Variants in GALM observed in about 807,000 individuals in gnomAD.
The protein encoded by GALM is galactose mutarotase.
Under a neutral mutation model 37.4 loss-of-function variants are expected in GALM, and 43 were observed. The observed-to-expected ratio is 1.15, with a 90% CI of 0.90 to 1.48. The LOEUF (loss-of-function observed/expected upper bound fraction) is 1.48. Ranked by LOEUF, GALM falls within the 40% of genes most tolerant of loss-of-function variation. The pLI is 0.00. For missense variants in GALM, 456 were observed against 419.1 expected (o/e 1.09, Z -0.77); for synonymous variants, 199 against 170.6 (o/e 1.17, Z -1.30).
chr2:38,731,731 C>A lies in GALM; in HGVS notation c.777-4C>A. On this transcript the variant is annotated splice_polypyrimidine_tract_variant and splice_region_variant and intron_variant, in intron 5 of 6. Transcript: ENST00000272252. ...GGACTCATGTTGTTTGTATTTCTTA[C>A]CAGGGTGCATCATGCTGCAAGCGGG... 14 of 1,612,280 alleles carry A rather than the reference C, an allele frequency of 8.7e-6. No homozygotes were observed. Among genetic ancestry groups the A allele is most frequent in the Non-Finnish European group, 1.2e-5 (14 of 1,178,756 alleles).
intron 4 of GALM, among the ~76,000 whole-genome samples, chr2:38,701,050 C>G (rs1454225612): frequency 1.3e-5 from 2 of 152,202 alleles, no homozygotes; most frequent in African/African-American, 4.8e-5. Context: ...CATTTAGCTT[C>G]AGGACCTGAT....
intron 4 of GALM, among the ~76,000 whole-genome samples, chr2:38,698,952 T>A (rs1260022841): frequency 6.6e-6 from 1 of 151,854 alleles, no homozygotes; most frequent in Non-Finnish European, 1.5e-5. Context: ...TTGCTCTTGT[T>A]GCCTAGGCTG....
Position 38,666,270 on chromosome 2 carries a change from G to C in GALM, c.109G>C (p.Gly37Arg). ...DLLRVDIISW[G>R]CTITALEVKD... ...CTTGAGAGTGGACATCATCTCCTGG[G>C]GCTGCACGATCACAGCCCTAGAGGT... Residue 37 changes from glycine (G) to arginine (R), a missense_variant, in exon 1 of 7, where the codon GGC (glycine) becomes CGC (arginine). Gly to Arg is a moderately radical substitution (Grantham distance 125, BLOSUM62 -2). Coordinates refer to ENST00000272252, the MANE Select transcript of GALM (RefSeq NM_138801.3). 6.2e-7 allele frequency: 1 copy of C among 1,614,104 alleles called. No homozygotes were observed. The highest frequency in any genetic ancestry group is 8.5e-7 in the Non-Finnish European group (1 of 1,179,982).
At chr2:38,666,558 G>A (rs1190608195) in intron 1 of GALM, among the ~76,000 whole-genome samples, 2 of 152,224 alleles carry the variant, frequency 1.3e-5, no homozygotes, top group African/African-American at 4.8e-5. Context: ...TATGGCAGTT[G>A]GCCTCTGGTT....
chr2:38,673,112 G>C (rs1175461119), intron 1 of GALM, among the ~76,000 whole-genome samples: 1 of 152,186 alleles, frequency 6.6e-6, no homozygotes, highest in Non-Finnish European at 1.5e-5. Flanking sequence ...GGAAAGGCCT[G>C]GAAGAGAAGG....
intron 1 of GALM, among the ~76,000 whole-genome samples, chr2:38,666,762 T>A (rs931116032): frequency 6.6e-6 from 1 of 152,208 alleles, no homozygotes; most frequent in Non-Finnish European, 1.5e-5. Flanking sequence ...ATTCAAATAC[T>A]TGCCTCTTCT....
chr2:38,708,708 G>A (rs1168365840), intron 4 of GALM, among the ~76,000 whole-genome samples: 1 of 144,198 alleles, frequency 6.9e-6, no homozygotes, highest in Non-Finnish European at 1.5e-5. Context: ...CAGCCTGGGT[G>A]ATAGAGCGAG....
intron 3 of GALM, among the ~76,000 whole-genome samples, chr2:38,686,267 T>TCTTTCTTTCTTTCTTTCTTTC (rs1665527356): frequency 5.3e-5 from 5 of 94,360 alleles, no homozygotes; most frequent in African/African-American, 2.5e-4. Flanking sequence ...TTTCTTTCTT[T>TCTTTCTTTCTTTCTTTCTTTC]CTTTCTTTCT....
At position 38,683,636 on chromosome 2, in the gene GALM, G is replaced by A. The variant is rs146535703; in HGVS notation, c.552+2150G>A. On this transcript the variant is annotated intron_variant, in intron 3 of 6. Coordinates refer to ENST00000272252, the MANE Select transcript of GALM (RefSeq NM_138801.3). The stretch of plus-strand genomic sequence containing the variant: ...GGCTGGAATGCAGTGGCACGATCTC[G>A]GCTCACTGCAACCTCCACCTTCTGG... Among the ~76,000 whole-genome samples, 299 of 151,624 alleles carry A rather than the reference G, an allele frequency of 2.0e-3. 3 individuals are homozygous for A. The highest frequency in any genetic ancestry group is 6.9e-3 in the African/African-American group (287 of 41,326).
intron 4 of GALM, among the ~76,000 whole-genome samples, chr2:38,727,156 C>G (rs1248490866): frequency 1.4e-5 from 2 of 148,038 alleles, no homozygotes; most frequent in Non-Finnish European, 3.0e-5. Flanking sequence ...GCAGAGATTG[C>G]AGTGAGCCAA....
At chr2:38,709,774 TTTAA>T (rs1472984498) in intron 4 of GALM, among the ~76,000 whole-genome samples, 1 of 152,180 alleles carries the variant, frequency 6.6e-6, no homozygotes, top group African/African-American at 2.4e-5. Context: ...GGGTGTTACT[TTTAA>T]TTATCATCCT....
intron 1 of GALM, chr2:38,669,414 A>C (rs1665031868): frequency 6.6e-6 from 1 of 152,156 alleles, no homozygotes; most frequent in South Asian, 2.1e-4. Flanking sequence ...ACCCCCTTAG[A>C]GTCGTAAGCC....
intron 4 of GALM, among the ~76,000 whole-genome samples, chr2:38,706,394 G>A (rs1230409529): frequency 6.6e-6 from 1 of 150,764 alleles, no homozygotes; most frequent in Non-Finnish European, 1.5e-5. Context: ...CTCACCCCAG[G>A]TTGGGCGTGG....
rs533322465 is a variant in GALM, at chr2:38,688,631, C to G, written c.553-1182C>G. ...CTGAGCAAAAGCCCTCACTTGGTTT[C>G]CCTTCCACATCTTCTGGTGTGAAGC... On this transcript the variant is annotated intron_variant, in intron 3 of 6. Coordinates refer to ENST00000272252, the MANE Select transcript of GALM (RefSeq NM_138801.3). Among the ~76,000 whole-genome samples the G allele has an allele frequency of 3.3e-5, 5 of 152,282 alleles. No homozygotes were observed. The South Asian group carries it at 1.0e-3, about 32-fold the overall frequency.
chr2:38,699,049 G>T lies in GALM; in HGVS notation c.634+9155G>T, dbSNP rs1374165618. Among the ~76,000 whole-genome samples the T allele has an allele frequency of 2.6e-5, 4 of 152,156 alleles. No homozygotes were observed. The East Asian group carries it at 7.7e-4, about 29-fold the overall frequency. On this transcript the variant is annotated intron_variant, in intron 4 of 6. Coordinates refer to ENST00000272252, the MANE Select transcript of GALM (RefSeq NM_138801.3). ...CTGCCTCAGCCTCCCGAGTAGCTGG[G>T]ATTACAAACGCCCACCACCATGCCC...
intron 4 of GALM, among the ~76,000 whole-genome samples, chr2:38,693,159 A>C (rs149543002): frequency 1.3e-5 from 2 of 152,186 alleles, no homozygotes; most frequent in Non-Finnish European, 2.9e-5. Flanking sequence ...CTGAACCACA[A>C]GGCCACTTTC....
At chr2:38,698,377 A>C in intron 4 of GALM, 2 of 1,304,644 alleles carry the variant, frequency 1.5e-6, no homozygotes, top group Non-Finnish European at 2.0e-6. Context: ...TGGCACCAAC[A>C]GAAGGTTTCT....
At chr2:38,711,848 C>CCACCATCATCACTAT (rs1666176391) in intron 4 of GALM, among the ~76,000 whole-genome samples, 1 of 92,900 alleles carries the variant, frequency 1.1e-5, no homozygotes, top group African/African-American at 3.5e-5. Context: ...ACCATCATCA[C>CCACCATCATCACTAT]CACCACCATC....
chr2:38,715,453 T>G (rs1407986924), intron 4 of GALM, among the ~76,000 whole-genome samples: 1 of 152,190 alleles, frequency 6.6e-6, no homozygotes, highest in Admixed American at 6.5e-5. Flanking sequence ...ATTTTTTGTT[T>G]TGGAGACAGG....
Sources: allele counts gnomAD v4.1 joint callset (sites outside exome capture counted in the v4.1 genomes callset), GRCh38; gene constraint gnomAD v4.1.1; transcripts MANE v1.5; gene names NCBI Gene and HGNC (gene_info 2026-07-23, HGNC 2026-07-21).